The following PHACTR1 variants were observed in gnomAD, a reference collection of about 807,000 sequenced individuals.
PHACTR1 encodes phosphatase and actin regulator 1.
A neutral mutation model predicts 69.2 loss-of-function variants in PHACTR1; 16 were observed. The observed-to-expected ratio is 0.23, with a 90% CI of 0.16 to 0.35. The LOEUF (loss-of-function observed/expected upper bound fraction) is 0.35, where lower values mean the gene tolerates loss of function less well. PHACTR1 is among the 10% of genes least tolerant of loss of function. The pLI is 1.00. For synonymous variants in PHACTR1, 312 were observed against 284.5 expected (o/e 1.10, Z -0.97); for missense variants, 510 against 734.7 (o/e 0.69, Z 3.54).
intron 4 of PHACTR1, among the ~76,000 whole-genome samples, chr6:12,971,641 C>G (rs1562074484): frequency 6.6e-6 from 1 of 152,170 alleles, no homozygotes; most frequent in Non-Finnish European, 1.5e-5. Flanking sequence ...AATCACCACT[C>G]TATTCCTTTT....
intron 5 of PHACTR1, among the ~76,000 whole-genome samples, chr6:13,090,932 A>G (rs1329547389): frequency 6.6e-6 from 1 of 151,960 alleles, no homozygotes; most frequent in South Asian, 2.1e-4. Flanking sequence ...ACATTGTAAT[A>G]TATAATGAAA....
intron 4 of PHACTR1, among the ~76,000 whole-genome samples, chr6:12,767,175 A>G (rs1228557685): frequency 6.6e-6 from 1 of 152,216 alleles, no homozygotes; most frequent in African/African-American, 2.4e-5. Context: ...ACTGTAATAC[A>G]TTAACTCTGT....
intron 4 of PHACTR1, among the ~76,000 whole-genome samples, chr6:12,802,100 T>TATTA (rs1773772502): frequency 7.5e-6 from 1 of 132,738 alleles, no homozygotes; most frequent in Admixed American, 7.9e-5. Flanking sequence ...TAAAATAATT[T>TATTA]TATTTTATAT....
intron 5 of PHACTR1, among the ~76,000 whole-genome samples, chr6:13,117,604 G>A (rs183806345): frequency 1.2e-3 from 188 of 152,334 alleles, no homozygotes; most frequent in African/African-American, 4.0e-3. Flanking sequence ...CACAAAAAAT[G>A]TGGTCTCTAG....
At chr6:12,852,685 A>T (rs1779950506) in intron 4 of PHACTR1, among the ~76,000 whole-genome samples, 1 of 152,222 alleles carries the variant, frequency 6.6e-6, no homozygotes. Context: ...GCTTTCTGTG[A>T]TATATGCTTC....
At chr6:12,928,559 C>T (rs1223260732) in intron 4 of PHACTR1, among the ~76,000 whole-genome samples, 1 of 152,212 alleles carries the variant, frequency 6.6e-6, no homozygotes, top group African/African-American at 2.4e-5. Context: ...GTATTTGCAT[C>T]TGTGCAACTT....
At chr6:12,835,137 G>T (rs1438927815) in intron 4 of PHACTR1, among the ~76,000 whole-genome samples, 1 of 152,132 alleles carries the variant, frequency 6.6e-6, no homozygotes, top group Non-Finnish European at 1.5e-5. Flanking sequence ...TGAGGAGAGT[G>T]CAGACCTCTT....
chr6:12,796,557 T>G (rs936857700), intron 4 of PHACTR1, among the ~76,000 whole-genome samples: 3 of 152,264 alleles, frequency 2.0e-5, no homozygotes, highest in East Asian at 1.9e-4. Flanking sequence ...CCAATTTGAT[T>G]TCTAATCTTT....
intron 5 of PHACTR1, among the ~76,000 whole-genome samples, chr6:13,056,729 G>A (rs1806843574): frequency 6.6e-6 from 1 of 152,152 alleles, no homozygotes; most frequent in Non-Finnish European, 1.5e-5. Context: ...GTCCCTAGGT[G>A]GAAAATTACT....
chr6:13,218,809 A>AG, intron 8 of PHACTR1, among the ~76,000 whole-genome samples: 6 of 151,090 alleles, frequency 4.0e-5, no homozygotes, highest in South Asian at 4.3e-4. Flanking sequence ...GAGAAGAAGA[A>AG]GAAGGAGGAG....
At chr6:12,760,712 C>T (rs1281639922) in intron 4 of PHACTR1, among the ~76,000 whole-genome samples, 1 of 152,122 alleles carries the variant, frequency 6.6e-6, no homozygotes, top group Non-Finnish European at 1.5e-5. Context: ...GTGGGTGGAT[C>T]ACCTGAGGTC....
chr6:13,222,343 GA>G (rs1162346931), intron 8 of PHACTR1, among the ~76,000 whole-genome samples: 1 of 152,194 alleles, frequency 6.6e-6, no homozygotes, highest in Non-Finnish European at 1.5e-5. Context: ...CAAAGAATGA[GA>G]AAACCTGTTT....
chr6:12,856,735 A>G (rs1780410730), intron 4 of PHACTR1, among the ~76,000 whole-genome samples: 2 of 152,104 alleles, frequency 1.3e-5, no homozygotes, highest in South Asian at 4.1e-4. Context: ...TCGGCTGTTC[A>G]CTCCAACCAG....
intron 4 of PHACTR1, among the ~76,000 whole-genome samples, chr6:12,764,405 A>G (rs1211162374): frequency 1.3e-5 from 2 of 152,204 alleles, no homozygotes; most frequent in Non-Finnish European, 1.5e-5. Flanking sequence ...TCTTGAGCAC[A>G]GTCTAGTATC....
At chr6:13,109,110 T>G (rs191081039) in intron 5 of PHACTR1, among the ~76,000 whole-genome samples, 1 of 152,154 alleles carries the variant, frequency 6.6e-6, no homozygotes, top group African/African-American at 2.4e-5. Context: ...TCCTCACTCC[T>G]TGTGCTATTG....
chr6:13,199,660 ATTGC>A (rs1388801890), intron 7 of PHACTR1, among the ~76,000 whole-genome samples: 8 of 152,198 alleles, frequency 5.3e-5, no homozygotes, highest in Non-Finnish European at 1.0e-4. Flanking sequence ...TGAAGTACTT[ATTGC>A]TTGACACAAA....
chr6:12,940,976 T>C (rs181394879), intron 4 of PHACTR1, among the ~76,000 whole-genome samples: 12 of 152,354 alleles, frequency 7.9e-5, no homozygotes, highest in Non-Finnish European at 1.2e-4. Flanking sequence ...ACAATATTAT[T>C]GGAAGGAGAG....
chr6:12,974,500 T>C (rs778682453), intron 4 of PHACTR1, among the ~76,000 whole-genome samples: 6 of 152,208 alleles, frequency 3.9e-5, no homozygotes, highest in Non-Finnish European at 7.3e-5. Flanking sequence ...AGTAAAAAAC[T>C]GGTGGACTCA....
chr6:13,265,407 G>A (rs534922958), intron 10 of PHACTR1, among the ~76,000 whole-genome samples: 9 of 152,290 alleles, frequency 5.9e-5, no homozygotes, highest in Admixed American at 2.6e-4. Context: ...GGGGTACACC[G>A]GATCAGGGCA....
Sources: allele counts gnomAD v4.1 joint callset (sites outside exome capture counted in the v4.1 genomes callset), GRCh38; gene constraint gnomAD v4.1.1; transcripts MANE v1.5; gene names NCBI Gene and HGNC (gene_info 2026-07-23, HGNC 2026-07-21).